Variants in ADGRL2 observed in about 807,000 individuals in gnomAD.
The protein encoded by ADGRL2 is calcium-independent alpha-latrotoxin receptor 2.
A neutral mutation model predicts 157.4 loss-of-function variants in ADGRL2; 44 were observed. That is an observed-to-expected ratio of 0.28 (90% CI 0.22 to 0.36). The LOEUF is 0.36. Among genes scored for constraint, ADGRL2 ranks in the 10% least tolerant of loss-of-function variants. The pLI, the probability that ADGRL2 is intolerant of heterozygous loss-of-function variation, is 1.00. For synonymous variants in ADGRL2, 585 were observed against 624.7 expected, an observed-to-expected ratio of 0.94 and a Z score of 0.95; for missense variants, 1,510 against 1,768.9, an observed-to-expected ratio of 0.85 and a Z score of 2.63.
chr1:81,604,875 CAGAG>C lies in ADGRL2; in HGVS notation c.-143+23898_-143+23901del, dbSNP rs1454849993. On this transcript the variant is annotated intron_variant, in intron 3 of 24. Coordinates refer to the ADGRL2 transcript ENST00000370721. ...AGTACCCCTGTTCTAAACCACAACACAGAGAGCAGGTATACAAATGCACACCCAC... is the reference window on the plus strand; with the variant it reads ...AGTACCCCTGTTCTAAACCACAACACAGCAGGTATACAAATGCACACCCAC... Among the ~76,000 whole-genome samples, 3 of 152,288 alleles carry C rather than the reference CAGAG, an allele frequency of 2.0e-5. No homozygotes were observed. In the East Asian group the frequency reaches 5.8e-4, roughly 29 times the overall value.
At chr1:81,564,473 T>C (rs1228116978) in intron 2 of ADGRL2, among the ~76,000 whole-genome samples, 1 of 152,162 alleles carries the variant, frequency 6.6e-6, no homozygotes, top group Non-Finnish European at 1.5e-5. Flanking sequence ...AACGGTCTCA[T>C]TTTCTCATTA....
intron 3 of ADGRL2, among the ~76,000 whole-genome samples, chr1:81,635,736 G>T (rs1570697683): frequency 6.6e-6 from 1 of 152,036 alleles, no homozygotes; most frequent in South Asian, 2.1e-4. Flanking sequence ...TATCACATTG[G>T]GGCATAAGAT....
intron 1 of ADGRL2, among the ~76,000 whole-genome samples, chr1:81,823,468 T>C (rs1024963291): frequency 6.7e-6 from 1 of 150,150 alleles, no homozygotes; most frequent in Non-Finnish European, 1.5e-5. Context: ...GTCAAAAACA[T>C]TTATTATGTG....
chr1:81,978,026 G>A (rs1417920687), intron 17 of ADGRL2, among the ~76,000 whole-genome samples: 2 of 151,126 alleles, frequency 1.3e-5, no homozygotes, highest in African/African-American at 2.4e-5. Flanking sequence ...TAGAGTTCTT[G>A]TTTTTAACCA....
chr1:81,536,230 T>C (rs1028157176), intron 2 of ADGRL2, among the ~76,000 whole-genome samples: 8 of 152,236 alleles, frequency 5.3e-5, no homozygotes, highest in African/African-American at 1.9e-4. Flanking sequence ...AAATTTTCTC[T>C]AAATGATTTT....
chr1:81,791,697 G>A (rs1553154003), intron 2 of ADGRL2, among the ~76,000 whole-genome samples: 1 of 152,030 alleles, frequency 6.6e-6, no homozygotes, highest in Non-Finnish European at 1.5e-5. Flanking sequence ...TTCTGTGTAG[G>A]ATATACTTCA....
At chr1:81,538,737 G>C (rs926156127) in intron 2 of ADGRL2, among the ~76,000 whole-genome samples, 2 of 152,154 alleles carry the variant, frequency 1.3e-5, no homozygotes, top group African/African-American at 4.8e-5. Context: ...GGGCACAGTG[G>C]CTCACACCTA....
chr1:81,733,501 C>A (rs539031934), intron 1 of ADGRL2, among the ~76,000 whole-genome samples: 2 of 152,266 alleles, frequency 1.3e-5, no homozygotes, highest in African/African-American at 4.8e-5. Context: ...CCAGTGTGTC[C>A]TAATTCCTCT....
At chr1:81,878,855 A>G (rs1216595014) in intron 2 of ADGRL2, among the ~76,000 whole-genome samples, 2 of 152,208 alleles carry the variant, frequency 1.3e-5, no homozygotes, top group Admixed American at 6.5e-5. Context: ...AAAAAGACAC[A>G]AATTATATGC....
intron 5 of ADGRL2, among the ~76,000 whole-genome samples, chr1:81,942,610 T>C (rs567226706): frequency 5.9e-5 from 9 of 152,028 alleles, no homozygotes; most frequent in Non-Finnish European, 5.9e-5. Context: ...AAAGGTATAA[T>C]GTTTGTAATA....
intron 1 of ADGRL2, among the ~76,000 whole-genome samples, chr1:81,750,209 G>A (rs2085444674): frequency 6.6e-6 from 1 of 152,136 alleles, no homozygotes; most frequent in South Asian, 2.1e-4. Context: ...CAAGTAAGGT[G>A]GAAATCTCTA....
At chr1:81,952,746 T>TA (rs1346140496) in intron 9 of ADGRL2, among the ~76,000 whole-genome samples, 21 of 150,888 alleles carry the variant, frequency 1.4e-4, no homozygotes, top group Non-Finnish European at 2.2e-4. Flanking sequence ...CTTTTTTTTT[T>TA]ACTGCAGTAT....
At chr1:81,503,044 G>T (rs548669283) in intron 2 of ADGRL2, 1 of 1,611,086 alleles carries the variant, frequency 6.2e-7, no homozygotes, top group South Asian at 1.1e-5. Flanking sequence ...TCGGACCGCC[G>T]CACTGGAGCA....
chr1:81,535,090 A>AGCTG (rs2079701826), intron 2 of ADGRL2, among the ~76,000 whole-genome samples: 1 of 152,098 alleles, frequency 6.6e-6, no homozygotes. Flanking sequence ...GCTGCTACTG[A>AGCTG]GCTGTTGTTT....
chr1:81,349,958 G>A (rs1186040233), intron 1 of ADGRL2, among the ~76,000 whole-genome samples: 1 of 151,984 alleles, frequency 6.6e-6, no homozygotes, highest in African/African-American at 2.4e-5. Flanking sequence ...CTATTCTCAT[G>A]CTCTTTTATC....
intron 1 of ADGRL2, among the ~76,000 whole-genome samples, chr1:81,825,208 TAAA>T (rs2149960612): frequency 6.6e-6 from 1 of 152,018 alleles, no homozygotes; most frequent in Non-Finnish European, 1.5e-5. Flanking sequence ...AATAAAGAAA[TAAA>T]AATTTTTTTT....
intron 1 of ADGRL2, among the ~76,000 whole-genome samples, chr1:81,720,463 C>T (rs898125306): frequency 5.9e-5 from 9 of 151,926 alleles, no homozygotes; most frequent in Non-Finnish European, 8.8e-5. Flanking sequence ...TGAGTCACTG[C>T]GCCCGGCCAA....
intron 1 of ADGRL2, among the ~76,000 whole-genome samples, chr1:81,401,626 C>T (rs985499976): frequency 6.6e-6 from 1 of 152,178 alleles, no homozygotes; most frequent in African/African-American, 2.4e-5. Flanking sequence ...AGTTGACCAT[C>T]TTGCTCTGTC....
At chr1:81,718,673 A>G (rs1256324202) in intron 1 of ADGRL2, among the ~76,000 whole-genome samples, 2 of 152,230 alleles carry the variant, frequency 1.3e-5, no homozygotes, top group Non-Finnish European at 2.9e-5. Flanking sequence ...GAGAGTGGAG[A>G]CTTTACTGCA....
Sources: gnomAD v4.1 joint callset for allele counts (sites outside exome capture counted in the v4.1 genomes callset) on GRCh38, gnomAD v4.1.1 for gene constraint, MANE v1.5 for transcripts, NCBI Gene and HGNC (gene_info 2026-07-23, HGNC 2026-07-21) for gene names.